BNC2: variants seen among roughly 807,000 people sequenced by gnomAD.
BNC2 encodes zinc finger protein basonuclin-2.
A neutral mutation model predicts 76.3 loss-of-function variants in BNC2; 20 were observed. The observed-to-expected ratio is 0.26, with a 90% CI of 0.18 to 0.38. The LOEUF is 0.38. BNC2 is among the 10% of genes least tolerant of loss of function. The pLI is 1.00. For synonymous variants in BNC2, 582 were observed against 514.8 expected, an observed-to-expected ratio of 1.13 and a Z score of -1.77; for missense variants, 1,382 against 1,399.8, an observed-to-expected ratio of 0.99 and a Z score of 0.20.
intron 5 of BNC2, among the ~76,000 whole-genome samples, chr9:16,525,954 A>C (rs1038964820): frequency 6.6e-6 from 1 of 152,130 alleles, no homozygotes; most frequent in Admixed American, 6.5e-5. Flanking sequence ...TTGATACAGC[A>C]CAATCAAGAG....
chr9:16,836,392 C>G (rs1010083060), intron 1 of BNC2, among the ~76,000 whole-genome samples: 2 of 151,846 alleles, frequency 1.3e-5, no homozygotes, highest in Non-Finnish European at 2.9e-5. Context: ...GAAACATATT[C>G]TTAGAAACAT....
chr9:16,825,655 T>C (rs1473623037), intron 1 of BNC2, among the ~76,000 whole-genome samples: 3 of 152,014 alleles, frequency 2.0e-5, no homozygotes, highest in South Asian at 4.2e-4. Context: ...CCAAGCAAAA[T>C]CTTTTTCTCC....
At chr9:16,491,737 A>G (rs1402981365) in intron 5 of BNC2, among the ~76,000 whole-genome samples, 1 of 152,224 alleles carries the variant, frequency 6.6e-6, no homozygotes, top group Non-Finnish European at 1.5e-5. Context: ...GTGGATTACC[A>G]GTCTCTAAGG....
At chr9:16,597,682 T>C (rs897368476) in intron 3 of BNC2, among the ~76,000 whole-genome samples, 1 of 152,164 alleles carries the variant, frequency 6.6e-6, no homozygotes, top group Admixed American at 6.5e-5. Flanking sequence ...TATTTAGATA[T>C]TTGTTTTACA....
rs184344228 is a variant in BNC2, at chr9:16,664,127, C to T, written c.330+63670G>A. Among the ~76,000 whole-genome samples the T allele has an allele frequency of 1.1e-3, 171 of 152,168 alleles. 1 individual carries two copies. The highest frequency in any genetic ancestry group is 3.8e-3 in the African/African-American group (156 of 41,522). The stretch of plus-strand genomic sequence containing the variant: ...CTGTTTCCCAATGTAAAGGGAAATA[C>T]CACGACAAAAAAATGACACTCTGGA... On this transcript the variant is annotated intron_variant, in intron 3 of 6. Coordinates refer to ENST00000380672, the MANE Select transcript of BNC2 (RefSeq NM_017637.6).
intron 1 of BNC2, among the ~76,000 whole-genome samples, chr9:16,840,953 T>C (rs1818809023): frequency 6.6e-6 from 1 of 152,218 alleles, no homozygotes; most frequent in African/African-American, 2.4e-5. Context: ...CTTTTTTGAC[T>C]GAAATCCCAC....
intron 3 of BNC2, among the ~76,000 whole-genome samples, chr9:16,650,636 A>G (rs927135746): frequency 6.6e-6 from 1 of 152,124 alleles, no homozygotes; most frequent in Admixed American, 6.5e-5. Context: ...TCTGACTTCT[A>G]TAAATATGTA....
At chr9:16,769,497 A>C (rs1825778833) in intron 1 of BNC2, among the ~76,000 whole-genome samples, 1 of 152,208 alleles carries the variant, frequency 6.6e-6, no homozygotes, top group Non-Finnish European at 1.5e-5. Context: ...AGGACCCCAA[A>C]TCAGGGACGG....
chr9:16,501,887 T>C (rs865860500), intron 5 of BNC2, among the ~76,000 whole-genome samples: 2 of 152,208 alleles, frequency 1.3e-5, no homozygotes, highest in African/African-American at 4.8e-5. Flanking sequence ...ACTCCATTGG[T>C]TGAATTGCTA....
At chr9:16,528,817 G>T (rs1278251719) in intron 5 of BNC2, among the ~76,000 whole-genome samples, 10 of 147,632 alleles carry the variant, frequency 6.8e-5, no homozygotes. Flanking sequence ...AAAAATGGAT[G>T]AGATCTCTCT....
intron 1 of BNC2, among the ~76,000 whole-genome samples, chr9:16,812,757 G>A (rs922689585): frequency 6.6e-6 from 1 of 151,922 alleles, no homozygotes; most frequent in Non-Finnish European, 1.5e-5. Context: ...TTCAAAATAC[G>A]TTTAGCTATA....
At chr9:16,666,298 C>T (rs893204731) in intron 3 of BNC2, among the ~76,000 whole-genome samples, 7 of 152,186 alleles carry the variant, frequency 4.6e-5, no homozygotes, top group Non-Finnish European at 5.9e-5. Flanking sequence ...GTTTTCTTCA[C>T]TCTGGTAATG....
intron 5 of BNC2, among the ~76,000 whole-genome samples, chr9:16,507,792 G>A (rs559619409): frequency 6.6e-6 from 1 of 152,204 alleles, no homozygotes; most frequent in East Asian, 1.9e-4. Flanking sequence ...TAAACACTTA[G>A]TAATAAATAA....
intron 3 of BNC2, chr9:16,626,453 G>A (rs7034606): frequency 6.6e-6 from 1 of 152,240 alleles, no homozygotes; most frequent in East Asian, 1.9e-4. Context: ...CAGGCAGACA[G>A]AGCAAAACTT....
intron 5 of BNC2, among the ~76,000 whole-genome samples, chr9:16,483,124 T>C (rs1460621099): frequency 1.3e-5 from 2 of 152,148 alleles, no homozygotes; most frequent in African/African-American, 4.8e-5. Flanking sequence ...GGATTAATGA[T>C]GGTGTGATGG....
At chr9:16,607,327 G>A (rs1050031056) in intron 3 of BNC2, among the ~76,000 whole-genome samples, 5 of 151,992 alleles carry the variant, frequency 3.3e-5, no homozygotes, top group African/African-American at 7.2e-5. Flanking sequence ...AAGGAGAGAC[G>A]GAGAAAATAA....
At chr9:16,707,643 CTATTAT>C (rs1823718786) in intron 3 of BNC2, among the ~76,000 whole-genome samples, 1 of 152,016 alleles carries the variant, frequency 6.6e-6, no homozygotes, top group African/African-American at 2.4e-5. Context: ...GTAATTATTA[CTATTAT>C]TATTATTTTT....
chr9:16,827,597 A>C (rs1239894102), intron 1 of BNC2, among the ~76,000 whole-genome samples: 1 of 152,204 alleles, frequency 6.6e-6, no homozygotes. Context: ...GTTCATGGTG[A>C]CTTAAGTGCA....
intron 5 of BNC2, among the ~76,000 whole-genome samples, chr9:16,471,286 C>T (rs988427471): frequency 2.1e-4 from 31 of 147,454 alleles, no homozygotes; most frequent in African/African-American, 7.8e-4. Context: ...AACTAGCTTG[C>T]TTTTGATTTT....
Sources: allele counts gnomAD v4.1 joint callset (sites outside exome capture counted in the v4.1 genomes callset), GRCh38; gene constraint gnomAD v4.1.1; transcripts MANE v1.5; gene names NCBI Gene and HGNC (gene_info 2026-07-23, HGNC 2026-07-21).